The following TUT4 variants were observed in gnomAD, a reference collection of about 807,000 sequenced individuals.
TUT4 encodes the protein terminal uridylyl transferase 4.
Under a neutral mutation model 192.2 loss-of-function variants are expected in TUT4, and 36 were observed. That is an observed-to-expected ratio of 0.19 (90% CI 0.14 to 0.25). The LOEUF (loss-of-function observed/expected upper bound fraction) is 0.25, where lower values mean the gene tolerates loss of function less well. Ranked by LOEUF, TUT4 falls within the 10% of genes least tolerant of loss-of-function variation. The probability of loss-of-function intolerance (pLI) is 1.00; values close to 1 mark genes in which losing one functional copy is unlikely to be tolerated. For synonymous variants in TUT4, 618 were observed against 666.0 expected (o/e 0.93, Z 1.11); for missense variants, 1,493 against 1,957.2 (o/e 0.76, Z 4.47).
intron 7 of TUT4, among the ~76,000 whole-genome samples, chr1:52,491,854 C>T (rs1192803887): frequency 6.6e-6 from 1 of 152,018 alleles, no homozygotes; most frequent in Non-Finnish European, 1.5e-5. Context: ...GTCAATATGA[C>T]AATGAGTAAA....
chr1:52,533,044 T>C (rs962994565), intron 1 of TUT4, among the ~76,000 whole-genome samples: 11 of 152,238 alleles, frequency 7.2e-5, no homozygotes, highest in Admixed American at 6.5e-4. Context: ...AATGCGATTC[T>C]GATTCAGTAG....
chr1:52,503,944 GA>G (rs1460639188), intron 4 of TUT4, among the ~76,000 whole-genome samples: 2 of 152,136 alleles, frequency 1.3e-5, no homozygotes, highest in Non-Finnish European at 2.9e-5. Flanking sequence ...TTCAACTGCT[GA>G]AGTTTACCAA....
At chr1:52,425,299 C>G (rs145030493) in intron 29 of TUT4, 50 bp downstream of exon 29, 1 of 1,573,996 alleles carries the variant, frequency 6.4e-7, no homozygotes, top group Non-Finnish European at 8.6e-7. Flanking sequence ...GCTCTCTATC[C>G]CAGAATAAAA....
intron 1 of TUT4, among the ~76,000 whole-genome samples, chr1:52,549,932 T>G (rs761591742): frequency 6.6e-6 from 1 of 152,036 alleles, no homozygotes; most frequent in Non-Finnish European, 1.5e-5. Flanking sequence ...TAAAAATAAT[T>G]TGAACATAAG....
intron 15 of TUT4, among the ~76,000 whole-genome samples, chr1:52,467,931 C>G (rs1557744161): frequency 6.6e-6 from 1 of 152,132 alleles, no homozygotes; most frequent in East Asian, 1.9e-4. Flanking sequence ...CACTTCAGTT[C>G]TTTTATCTCC....
chr1:52,534,897 A>G (rs1684490008), intron 1 of TUT4: 1 of 152,216 alleles, frequency 6.6e-6, no homozygotes, highest in African/African-American at 2.4e-5. Context: ...GTTAGAAATT[A>G]TTCATTCAAA....
At chr1:52,474,534 A>G (rs1406722743) in intron 13 of TUT4, among the ~76,000 whole-genome samples, 1 of 152,218 alleles carries the variant, frequency 6.6e-6, no homozygotes, top group African/African-American at 2.4e-5. Context: ...AAAATAAGCA[A>G]CATTTAAAAT....
intron 16 of TUT4, among the ~76,000 whole-genome samples, chr1:52,463,940 T>A (rs1663335449): frequency 6.6e-6 from 1 of 152,046 alleles, no homozygotes; most frequent in African/African-American, 2.4e-5. Context: ...TTCAGCTACA[T>A]TATGGGTTAA....
chr1:52,459,624 G>A (rs935537726), intron 19 of TUT4, among the ~76,000 whole-genome samples: 4 of 152,020 alleles, frequency 2.6e-5, no homozygotes, highest in Non-Finnish European at 5.9e-5. Flanking sequence ...GGTGGCTCAC[G>A]CCTCTAATCA....
chr1:52,551,407 G>A (rs902861651), intron 1 of TUT4, among the ~76,000 whole-genome samples: 1 of 151,948 alleles, frequency 6.6e-6, no homozygotes, highest in African/African-American at 2.4e-5. Flanking sequence ...AGTTTTAAAA[G>A]TAAGTTTCTT....
chr1:52,519,110 T>C (rs892781187), intron 2 of TUT4, among the ~76,000 whole-genome samples: 4 of 152,100 alleles, frequency 2.6e-5, no homozygotes, highest in Non-Finnish European at 4.4e-5. Flanking sequence ...AATCAAAAGA[T>C]GGAAACAATC....
intron 1 of TUT4, among the ~76,000 whole-genome samples, chr1:52,542,562 A>G (rs188307679): frequency 6.6e-6 from 1 of 152,328 alleles, no homozygotes; most frequent in Non-Finnish European, 1.5e-5. Context: ...CAGACGAAGA[A>G]TCTGACAAAA....
intron 1 of TUT4, among the ~76,000 whole-genome samples, chr1:52,543,141 A>T (rs564535593): frequency 4.8e-4 from 73 of 152,292 alleles, no homozygotes; most frequent in African/African-American, 1.4e-3. Context: ...TCAATTGGAA[A>T]AGAAGAAGTA....
At chr1:52,439,068 TA>T (rs984014427) in intron 24 of TUT4, among the ~76,000 whole-genome samples, 177 of 79,322 alleles carry the variant, frequency 2.2e-3, no homozygotes, top group East Asian at 0.013. Context: ...AGACTCCATC[TA>T]AAAAAAAAAA....
At chr1:52,497,571 C>T (rs759154560) in intron 4 of TUT4, among the ~76,000 whole-genome samples, 1 of 152,186 alleles carries the variant, frequency 6.6e-6, no homozygotes, top group Non-Finnish European at 1.5e-5. Context: ...TATACAGTAT[C>T]AAGTTAAATG....
At chr1:52,539,148 A>T (rs1323445878) in intron 1 of TUT4, among the ~76,000 whole-genome samples, 1 of 152,238 alleles carries the variant, frequency 6.6e-6, no homozygotes, top group Admixed American at 6.5e-5. Context: ...AAAAAAACTA[A>T]AGAAACATTA....
chr1:52,547,574 T>G (rs557886529), intron 1 of TUT4, among the ~76,000 whole-genome samples: 3 of 152,302 alleles, frequency 2.0e-5, no homozygotes, highest in African/African-American at 4.8e-5. Context: ...AACGTTTAAC[T>G]ATGTTCACAG....
chr1:52,477,158 T>TA (rs1185033227), intron 12 of TUT4, among the ~76,000 whole-genome samples: 4 of 152,172 alleles, frequency 2.6e-5, no homozygotes, highest in African/African-American at 7.2e-5. Flanking sequence ...TTTGCATAAT[T>TA]AAAAAATAAA....
At chr1:52,493,762 T>C (rs1209626653) in intron 6 of TUT4, 100 bp from the exon 7 acceptor site, 15 of 755,306 alleles carry the variant, frequency 2.0e-5, no homozygotes, top group Non-Finnish European at 2.4e-5. Context: ...CATTTAAATA[T>C]AATCATGCTT....
Sources: gnomAD v4.1 joint callset for allele counts (sites outside exome capture counted in the v4.1 genomes callset) on GRCh38, gnomAD v4.1.1 for gene constraint, MANE v1.5 for transcripts, NCBI Gene and HGNC (gene_info 2026-07-23, HGNC 2026-07-21) for gene names.